The following XDH variants were observed in gnomAD, a reference collection of about 807,000 sequenced individuals.
XDH encodes the protein xanthine dehydrogenase.
Under a neutral mutation model 156.1 loss-of-function variants are expected in XDH, and 138 were observed. The ratio of observed to expected loss-of-function variants is 0.88; its 90% CI spans 0.77 to 1.02. The LOEUF (loss-of-function observed/expected upper bound fraction) is 1.02, where lower values mean the gene tolerates loss of function less well. Ranked by LOEUF, XDH falls within the 50% of genes least tolerant of loss-of-function variation. XDH has a pLI of 0.00. For missense variants in XDH, 1,849 were observed against 1,684.9 expected, an observed-to-expected ratio of 1.10 and a Z score of -1.71; for synonymous variants, 669 against 625.7, an observed-to-expected ratio of 1.07 and a Z score of -1.03.
chr2:31,407,339 G>T (rs893063059), intron 1 of XDH, among the ~76,000 whole-genome samples: 2 of 152,182 alleles, frequency 1.3e-5, no homozygotes, highest in African/African-American at 4.8e-5. Flanking sequence ...CCCGGAGCTT[G>T]GTAGAGCAGA....
chr2:31,408,212 C>T (rs1687244359), intron 1 of XDH, among the ~76,000 whole-genome samples: 1 of 152,206 alleles, frequency 6.6e-6, no homozygotes, highest in African/African-American at 2.4e-5. Flanking sequence ...TTTATATCTT[C>T]TAATTCCTGT....
chr2:31,400,277 C>T (rs1184051370), intron 4 of XDH, among the ~76,000 whole-genome samples: 6 of 141,780 alleles, frequency 4.2e-5, no homozygotes, highest in Non-Finnish European at 7.5e-5. Flanking sequence ...CTCACTCTGT[C>T]GCCCAGGCTG....
Position 31,398,670 on chromosome 2 carries a change from C to A in XDH, c.336G>T (p.Gln112His), listed in dbSNP as rs747410096. The change falls in exon 5 of 36, where the codon CAG becomes CAT. Residue 112 changes from glutamine to histidine, a missense_variant. Transcript: ENST00000379416. ...QERIAKSHGS[Q>H]CGFCTPGIVM... ...CGATGCCAGGGGTGCAGAACCCGCACTGGGAGCCGTGGCTTTTGGCAATTC... is the reference window on the plus strand; with the variant it reads ...CGATGCCAGGGGTGCAGAACCCGCAATGGGAGCCGTGGCTTTTGGCAATTC... 6.2e-7 allele frequency: 1 copy of A among 1,614,168 alleles called. No individual in the cohort carries two copies. The highest frequency in any genetic ancestry group is 1.3e-5 in the African/African-American group (1 of 75,060).
chr2:31,401,890 T>C (rs1041944449), intron 3 of XDH, among the ~76,000 whole-genome samples: 5 of 152,208 alleles, frequency 3.3e-5, no homozygotes, highest in African/African-American at 4.8e-5. Flanking sequence ...GCATCAGTTA[T>C]TGAGTGCCAG....
chr2:31,407,135 G>T (rs769981221), intron 1 of XDH, among the ~76,000 whole-genome samples: 2 of 152,206 alleles, frequency 1.3e-5, no homozygotes, highest in South Asian at 2.1e-4. Flanking sequence ...TAAAGGAGAA[G>T]GGGAGGAATA....
At chr2:31,375,848 A>AATTT (rs560840717) in intron 14 of XDH, among the ~76,000 whole-genome samples, 172 of 152,370 alleles carry the variant, frequency 1.1e-3, no homozygotes, top group African/African-American at 4.0e-3. Flanking sequence ...TCTCACTTTT[A>AATTT]ATTTAAATTT....
chr2:31,351,639 T>C (rs1685484569), intron 24 of XDH, among the ~76,000 whole-genome samples: 1 of 152,272 alleles, frequency 6.6e-6, no homozygotes, highest in Non-Finnish European at 1.5e-5. Context: ...TTTTACTCCC[T>C]CATTTTGTTG....
At position 31,337,689 on chromosome 2, in the gene XDH, G is replaced by A. The variant is rs962310190; in HGVS notation, c.3903C>T (p.Ala1301=). Residue 1301 remains alanine (A), a synonymous_variant, in exon 35 of 36, where the codon GCC becomes GCT. Transcript: ENST00000379416. The part of the protein sequence containing the change: ...VKELFRLDSP[A]TPEKIRNACV... ...AGGCATTGCGGATCTTCTCCGGGGT[G>A]GCAGGGCTGTCTAGCCGGAAGAGTT... 8.1e-6 allele frequency: 13 copies of A among 1,614,120 alleles called. No individual in the cohort carries two copies. The highest frequency in any genetic ancestry group is 1.6e-4 in the Middle Eastern group (1 of 6,080).
intron 14 of XDH, 149 bp downstream of exon 14, chr2:31,376,904 G>C (rs1686261026): frequency 1.0e-6 from 1 of 1,000,562 alleles, no homozygotes; most frequent in Non-Finnish European, 1.5e-6. Context: ...AAGTAGAAGT[G>C]GTAGCAGTAG....
chr2:31,405,855 T>C lies in XDH; in HGVS notation c.100+52A>G. On this transcript the variant is annotated intron_variant, in intron 2 of 35. Coordinates refer to ENST00000379416, the MANE Select transcript of XDH (RefSeq NM_000379.4). ...AGGAAACAATGTAAGGCCTACAGAA[T>C]CAGTCACCATTGCCCCCCTTCTCCG... 2.5e-6 allele frequency: 4 copies of C among 1,603,060 alleles called. No individual in the cohort carries two copies. In the South Asian group the frequency reaches 3.3e-5, roughly 13 times the overall value.
chr2:31,398,316 C>T lies in XDH; in HGVS notation c.433+257G>A, dbSNP rs1030809430. Among the ~76,000 whole-genome samples, 8 of 152,324 alleles carry T rather than the reference C, an allele frequency of 5.3e-5. No individual in the cohort carries two copies. In the South Asian group the frequency reaches 1.0e-3, roughly 20 times the overall value. ...ATGCACTGCCAACCCCACTCCAATA[C>T]TGGTGGAAGGCAGACAGACACCTCA... On this transcript the variant is annotated intron_variant, in intron 5 of 35. Transcript: ENST00000379416.
chr2:31,388,162 C>A, intron 7 of XDH, 65 bp downstream of exon 7: 2 of 1,562,178 alleles, frequency 1.3e-6, no homozygotes, highest in Non-Finnish European at 1.8e-6. Flanking sequence ...ACATGGAGCT[C>A]GTGCACTGAC....
intron 6 of XDH, 26 bp downstream of exon 6, chr2:31,397,642 A>G (rs774185094): frequency 1.9e-6 from 3 of 1,614,040 alleles, no homozygotes; most frequent in Non-Finnish European, 2.5e-6. Flanking sequence ...AAGCAGAGAC[A>G]CTGATGTTCT....
intron 4 of XDH, among the ~76,000 whole-genome samples, chr2:31,400,613 G>T (rs1338162621): frequency 6.6e-6 from 1 of 152,110 alleles, no homozygotes; most frequent in Non-Finnish European, 1.5e-5. Context: ...CTGCCCATTT[G>T]CCCCAGAAAT....
chr2:31,407,770 A>G (rs1330447049), intron 1 of XDH, among the ~76,000 whole-genome samples: 1 of 152,226 alleles, frequency 6.6e-6, no homozygotes, highest in Non-Finnish European at 1.5e-5. Context: ...ATTGACTAAG[A>G]GTAATAAAAA....
intron 24 of XDH, among the ~76,000 whole-genome samples, chr2:31,360,639 C>A (rs1170829478): frequency 1.3e-5 from 2 of 152,338 alleles, no homozygotes; most frequent in East Asian, 3.9e-4. Flanking sequence ...CCCTTAGCCG[C>A]TTAGTCCCGC....
chr2:31,380,028 C>A (rs950221436), intron 12 of XDH, 52 bp from the exon 13 acceptor site: 1 of 1,559,988 alleles, frequency 6.4e-7, no homozygotes, highest in African/African-American at 1.4e-5. Context: ...GGCTGGGAAC[C>A]CCCCATGGGG....
intron 15 of XDH, 77 bp from the exon 16 acceptor site, chr2:31,374,033 G>T: frequency 1.4e-6 from 2 of 1,410,946 alleles, no homozygotes; most frequent in South Asian, 2.4e-5. Context: ...CCATAAAAAT[G>T]ACCAAACTGA....
intron 28 of XDH, 146 bp from the exon 29 acceptor site, chr2:31,347,796 A>C: frequency 1.8e-6 from 2 of 1,140,594 alleles, no homozygotes; most frequent in Non-Finnish European, 1.2e-6. Flanking sequence ...ATGTCCTTAC[A>C]TCTGGCTGAA....
Sources: allele counts gnomAD v4.1 joint callset (sites outside exome capture counted in the v4.1 genomes callset), GRCh38; gene constraint gnomAD v4.1.1; transcripts MANE v1.5; gene names NCBI Gene and HGNC (gene_info 2026-07-23, HGNC 2026-07-21).